The following RAVER2 variants were observed in gnomAD, a reference collection of about 807,000 sequenced individuals.
RAVER2 encodes the protein ribonucleoprotein PTB-binding 2.
A neutral mutation model predicts 78.1 loss-of-function variants in RAVER2; 46 were observed. That is an observed-to-expected ratio of 0.59 (90% confidence interval 0.46 to 0.75). The LOEUF is 0.75. Among genes scored for constraint, RAVER2 ranks in the 30% least tolerant of loss-of-function variants. RAVER2 has a pLI of 0.00. For synonymous variants in RAVER2, 311 were observed against 313.3 expected, an observed-to-expected ratio of 0.99 and a Z score of 0.08; for missense variants, 793 against 837.5, an observed-to-expected ratio of 0.95 and a Z score of 0.66.
intron 5 of RAVER2, among the ~76,000 whole-genome samples, chr1:64,793,694 A>C (rs1653010169): frequency 6.6e-6 from 1 of 152,134 alleles, no homozygotes; most frequent in Non-Finnish European, 1.5e-5. Flanking sequence ...TTACCCCCTA[A>C]AGCTTCTTTT....
At chr1:64,826,923 TTTG>T (rs939734632) in intron 11 of RAVER2, among the ~76,000 whole-genome samples, 1 of 151,984 alleles carries the variant, frequency 6.6e-6, no homozygotes, top group Admixed American at 6.6e-5. Context: ...GAAAAATGAA[TTTG>T]TTATTGATTG....
chr1:64,813,723 T>A (rs867080878), intron 10 of RAVER2, among the ~76,000 whole-genome samples: 18 of 152,048 alleles, frequency 1.2e-4, no homozygotes, highest in African/African-American at 3.9e-4. Context: ...AAGGCACTTC[T>A]AGTATACCTG....
At chr1:64,813,010 TCAAAATGCGTGCTATTTTATTTAAGGAAA>T (rs1653660036) in intron 10 of RAVER2, among the ~76,000 whole-genome samples, 161 bp downstream of exon 10, 1 of 152,196 alleles carries the variant, frequency 6.6e-6, no homozygotes, top group African/African-American at 2.4e-5. Context: ...ACTAAGACAC[TCAAAATGCGTGCTATTTTATTTAAGGAAA>T]ACATTACAAC....
intron 5 of RAVER2, among the ~76,000 whole-genome samples, chr1:64,793,736 C>G (rs1036439802): frequency 6.6e-6 from 1 of 152,102 alleles, no homozygotes; most frequent in African/African-American, 2.4e-5. Context: ...CTATCCTGTC[C>G]CCAGGAAACC....
At chr1:64,799,729 C>CT (rs1442080585) in intron 5 of RAVER2, among the ~76,000 whole-genome samples, 1 of 152,206 alleles carries the variant, frequency 6.6e-6, no homozygotes. Flanking sequence ...GTGTGAGCCA[C>CT]TGCACCTGGC....
intron 1 of RAVER2, among the ~76,000 whole-genome samples, chr1:64,746,037 A>C (rs966779064): frequency 6.6e-6 from 1 of 152,234 alleles, no homozygotes; most frequent in Non-Finnish European, 1.5e-5. Flanking sequence ...CGCCAAGTAC[A>C]GTACTGGAGG....
intron 2 of RAVER2, 148 bp from the exon 3 acceptor site, chr1:64,777,475 C>A: frequency 1.6e-6 from 1 of 626,074 alleles, no homozygotes; most frequent in Non-Finnish European, 2.7e-6. Flanking sequence ...TGTCACAATG[C>A]ATTGCATATA....
chr1:64,772,627 T>A (rs1408711931), intron 2 of RAVER2, among the ~76,000 whole-genome samples: 5 of 152,156 alleles, frequency 3.3e-5, no homozygotes, highest in Admixed American at 3.3e-4. Context: ...TTCCTGGAGA[T>A]CATGATGGAG....
At chr1:64,799,639 C>T (rs1407495298) in intron 5 of RAVER2, among the ~76,000 whole-genome samples, 1 of 152,064 alleles carries the variant, frequency 6.6e-6, no homozygotes, top group African/African-American at 2.4e-5. Flanking sequence ...GACGGTTTCG[C>T]CATGTTGGCC....
intron 5 of RAVER2, among the ~76,000 whole-genome samples, chr1:64,796,835 A>G (rs1486250682): frequency 6.6e-6 from 1 of 152,064 alleles, no homozygotes; most frequent in Non-Finnish European, 1.5e-5. Context: ...TTAAAGTAAA[A>G]CTAGATTATT....
In RAVER2 at chr1:64,745,484, G is replaced by T; in HGVS notation, c.249+63G>T. 1 of 1,454,610 alleles carries T rather than the reference G, an allele frequency of 6.9e-7. No homozygotes were observed. Among genetic ancestry groups the T allele is most frequent in the East Asian group, 3.0e-5 (1 of 32,808 alleles). The allele number at this position is 1,454,610 out of a possible 1,614,324, so 90.1% of individuals were successfully genotyped here. ...GCGGCGGGGCGGCGCTCCGTGTCCA[G>T]GCTGGGATCGGGGGCGCCTCAGAGC... On this transcript the variant is annotated intron_variant, in intron 1 of 11. Transcript: ENST00000294428. This position sits in a 1 kb window ranked among gnomAD's most constrained non-coding sequence, Gnocchi z 4.3.
chr1:64,797,924 C>CTT (rs577748435), intron 5 of RAVER2, among the ~76,000 whole-genome samples: 95 of 135,682 alleles, frequency 7.0e-4, no homozygotes, highest in Non-Finnish European at 1.3e-3. Flanking sequence ...TTTTTTTTTT[C>CTT]TTTTTTTTTT....
At chr1:64,759,306 G>A (rs938290607) in intron 1 of RAVER2, among the ~76,000 whole-genome samples, 2 of 151,486 alleles carry the variant, frequency 1.3e-5, no homozygotes, top group African/African-American at 2.4e-5. Context: ...TGCAACCTCC[G>A]CCTCCCGGGT....
intron 4 of RAVER2, among the ~76,000 whole-genome samples, chr1:64,786,893 G>A (rs776033250): frequency 2.6e-5 from 4 of 152,028 alleles, no homozygotes; most frequent in Non-Finnish European, 5.9e-5. Flanking sequence ...AATGCTTCAC[G>A]AATTCCTTCA....
At chr1:64,830,786 T>G in intron 11 of RAVER2, 53 bp from the exon 12 acceptor site, 1 of 1,455,912 alleles carries the variant, frequency 6.9e-7, no homozygotes, top group East Asian at 2.3e-5. Flanking sequence ...ATATCTTTAA[T>G]GAATAAGCCA....
rs76788100 is a variant in RAVER2, at chr1:64,810,549, T to G, written c.1681-2189T>G. ...GGCCCCACCTTCTAAGACCATCATA[T>G]TGAGGCTTAGCATTTCAACATATGA... On this transcript the variant is annotated intron_variant, in intron 9 of 11. Coordinates refer to ENST00000294428, the Ensembl canonical transcript of RAVER2. Among the ~76,000 whole-genome samples the G allele has an allele frequency of 1.3e-3, 192 of 152,326 alleles. 1 individual carries two copies. Among genetic ancestry groups the G allele is most frequent in the African/African-American group, 4.4e-3 (185 of 41,584 alleles).
chr1:64,804,729 C>T lies in RAVER2; in HGVS notation c.1192-5C>T, dbSNP rs760278363. 3.0e-5 allele frequency: 40 copies of T among 1,344,810 alleles called. No individual in the cohort carries two copies. The highest frequency in any genetic ancestry group is 4.2e-5 in the Non-Finnish European group (40 of 949,840). 83.3% of individuals were successfully genotyped at this position (1,344,810 alleles called of 1,614,324 possible). A position where few individuals can be genotyped will look rare whatever the true frequency, so the allele number is the denominator to read the frequency against. On this transcript the variant is annotated splice_region_variant and splice_polypyrimidine_tract_variant and intron_variant, in intron 6 of 11. Transcript: ENST00000294428. ...TAAACTGACAACGTTTTGTCATTTT[C>T]ACAGAGCTCAGTTATGGGTAATACT...
intron 2 of RAVER2, among the ~76,000 whole-genome samples, chr1:64,774,786 T>G (rs545680869): frequency 1.1e-4 from 16 of 152,230 alleles, no homozygotes; most frequent in Non-Finnish European, 2.2e-4. Flanking sequence ...ATTTTTACGA[T>G]ATTGATTCTT....
At chr1:64,807,524 A>G in intron 9 of RAVER2, 50 bp downstream of exon 9, 1 of 1,460,156 alleles carries the variant, frequency 6.8e-7, no homozygotes, top group East Asian at 2.3e-5. Context: ...GTATATGTAT[A>G]TATATTCCTT....
Sources: gnomAD v4.1 joint callset for allele counts (sites outside exome capture counted in the v4.1 genomes callset) on GRCh38, gnomAD v4.1.1 for gene constraint, Gnocchi (gnomAD v3.1) non-coding constraint, MANE v1.5 for transcripts, NCBI Gene and HGNC (gene_info 2026-07-23, HGNC 2026-07-21) for gene names.